Variants in TLR8 observed in about 807,000 individuals in gnomAD.
The protein encoded by TLR8 is toll like receptor 8.
A neutral mutation model predicts 18.5 loss-of-function variants in TLR8; 5 were observed. The observed-to-expected ratio is 0.27, with a 90% CI of 0.14 to 0.57. The LOEUF is 0.57. Among genes scored for constraint, TLR8 ranks in the 20% least tolerant of loss-of-function variants. TLR8 has a pLI of 0.92. For missense variants in TLR8, 543 were observed against 769.8 expected, an observed-to-expected ratio of 0.71 and a Z score of 3.49; for synonymous variants, 299 against 300.1, an observed-to-expected ratio of 1.00 and a Z score of 0.04.
Position 12,919,452 on chromosome X carries a change from C to A in TLR8, c.412C>A (p.Pro138Thr). The change falls in exon 2 of 2, where the codon CCC becomes ACC. Residue 138 changes from proline to threonine, a missense_variant. Physicochemically the swap from Pro to Thr is conservative, Grantham distance 38. Around this residue, in one of 4 missense-constraint regions of TLR8, gnomAD observed 117 missense variants for 111.0 expected, o/e 1.05. Transcript: ENST00000218032. ...GTTACTGCTTGAAGACAACCAGTTA[C>A]CCCAAATACCCTCTGGTTTGCCAGA... ...RELLLEDNQL[P>T]QIPSGLPESL... 8.3e-7 allele frequency: 1 copy of A among 1,210,599 alleles called. No individual in the cohort carries two copies. Among genetic ancestry groups the A allele is most frequent in the Non-Finnish European group, 1.1e-6 (1 of 894,890 alleles).
chrX:12,920,405 C>G lies in TLR8; in HGVS notation c.1365C>G (p.Arg455=), dbSNP rs755072066. The G allele has an allele frequency of 3.3e-6, 4 of 1,208,212 alleles. No homozygotes were observed. In the East Asian group the frequency reaches 1.2e-4, roughly 36 times the overall value. ...SSFQRHIRKR[R]STDFEFDPHS... is the part of the protein sequence containing the mutation. ...TTCAACGTCATATCCGGAAACGACG[C>G]TCAACAGATTTTGAGTTTGACCCAC... The change falls in exon 2 of 2, where the codon CGC becomes CGG. Residue 455 remains arginine, a synonymous_variant. Transcript: ENST00000218032.
At position 12,909,785 on chromosome X, in the gene TLR8, C is replaced by G. The variant is rs551473463; in HGVS notation, c.3+3076C>G. On this transcript the variant is annotated intron_variant, in intron 1 of 1. Coordinates refer to ENST00000218032, the MANE Select transcript of TLR8 (RefSeq NM_138636.5). Reference sequence around the variant, plus strand: ...ACTCTACCACCTACCATCTGAGTGACCTTGAAAACATTCATCTCTCTGAGC... The same window carrying G: ...ACTCTACCACCTACCATCTGAGTGAGCTTGAAAACATTCATCTCTCTGAGC... Among the ~76,000 whole-genome samples, 5 of 112,013 alleles carry G rather than the reference C, an allele frequency of 4.5e-5. No individual in the cohort carries two copies. The South Asian group carries it at 1.9e-3, about 42-fold the overall frequency.
intron 1 of TLR8, among the ~76,000 whole-genome samples, chrX:12,913,710 G>A (rs969230649): frequency 1.6e-4 from 18 of 112,126 alleles, no homozygotes; most frequent in African/African-American, 5.8e-4. Context: ...TCTACTTCTA[G>A]AATTGAAATT....
chrX:12,907,818 C>T (rs113794666), intron 1 of TLR8, among the ~76,000 whole-genome samples: 17,507 of 110,181 alleles, frequency 0.16, 1,065 homozygotes, highest in Non-Finnish European at 0.17. Flanking sequence ...TGAGCCACCG[C>T]GCCCGGCCTG....
At chrX:12,917,443 G>C (rs926459670) in intron 1 of TLR8, among the ~76,000 whole-genome samples, 2 of 112,092 alleles carry the variant, frequency 1.8e-5, no homozygotes, top group African/African-American at 6.5e-5. Flanking sequence ...GACATATAAA[G>C]GTGTTAGTTC....
At chrX:12,907,656 A>T (rs1361753591) in intron 1 of TLR8, among the ~76,000 whole-genome samples, 1 of 110,901 alleles carries the variant, frequency 9.0e-6, no homozygotes, top group African/African-American at 3.3e-5. Context: ...CCTCCCAAGT[A>T]GCTGGGACTA....
chrX:12,911,664 T>G (rs2043021971), intron 1 of TLR8, among the ~76,000 whole-genome samples: 1 of 112,556 alleles, frequency 8.9e-6, no homozygotes, highest in Non-Finnish European at 1.9e-5. Context: ...TTTTTGATTC[T>G]CTATTCTGCC....
chrX:12,913,286 G>A (rs948785884), intron 1 of TLR8, among the ~76,000 whole-genome samples: 6 of 111,414 alleles, frequency 5.4e-5, no homozygotes, highest in African/African-American at 2.0e-4. Context: ...TCATCAGCTC[G>A]ATCTAATCAT....
intron 1 of TLR8, among the ~76,000 whole-genome samples, chrX:12,916,030 C>T (rs867214942): frequency 1.8e-5 from 2 of 110,984 alleles, no homozygotes; most frequent in South Asian, 3.8e-4. Flanking sequence ...TATAGTCATG[C>T]ACCACCACGC....
intron 1 of TLR8, among the ~76,000 whole-genome samples, chrX:12,907,543 C>A (rs1033864607): frequency 3.6e-5 from 4 of 111,850 alleles, no homozygotes; most frequent in African/African-American, 1.3e-4. Context: ...ACACTTAAGT[C>A]TTTTGAAGTT....
At chrX:12,912,341 G>A (rs766146073) in intron 1 of TLR8, among the ~76,000 whole-genome samples, 1 of 112,889 alleles carries the variant, frequency 8.9e-6, no homozygotes, top group African/African-American at 3.2e-5. Flanking sequence ...AGAGGCATGG[G>A]TGTGGCTCAA....
chrX:12,915,879 CCT>C (rs1491280702), intron 1 of TLR8, among the ~76,000 whole-genome samples: 2 of 109,085 alleles, frequency 1.8e-5, no homozygotes, highest in Admixed American at 9.6e-5. Context: ...AGGTTTCACT[CCT>C]TTTTTTTTTT....
intron 1 of TLR8, among the ~76,000 whole-genome samples, chrX:12,907,437 C>A (rs1325237163): frequency 8.9e-6 from 1 of 112,274 alleles, no homozygotes; most frequent in East Asian, 2.8e-4. Flanking sequence ...GGTTTAAGAG[C>A]AATTGAAAAG....
chrX:12,917,887 C>T lies in TLR8; in HGVS notation c.4-1157C>T, dbSNP rs1409520836. On this transcript the variant is annotated intron_variant, in intron 1 of 1. Coordinates refer to ENST00000218032, the MANE Select transcript of TLR8 (RefSeq NM_138636.5). ...GTTTACATTTGAGGCACAGTTCAGG[C>T]ACGAGGATTTCAAAAGGAGATTGTG... is the stretch of plus-strand genomic sequence containing the variant. Among the ~76,000 whole-genome samples the T allele has an allele frequency of 4.5e-5, 5 of 112,053 alleles. No homozygotes were observed. In the South Asian group the frequency reaches 1.8e-3, roughly 41 times the overall value.
At chrX:12,912,094 A>C (rs1324577704) in intron 1 of TLR8, among the ~76,000 whole-genome samples, 1 of 65,962 alleles carries the variant, frequency 1.5e-5, no homozygotes, top group African/African-American at 6.2e-5. Flanking sequence ...CTTTCTCTCT[A>C]TTTGCATAGT....
chrX:12,910,288 A>G, intron 1 of TLR8: 1 of 1,123,239 alleles, frequency 8.9e-7, no homozygotes, highest in Non-Finnish European at 1.2e-6. Context: ...GAGATTAATT[A>G]CATGTTATAA....
intron 1 of TLR8, among the ~76,000 whole-genome samples, chrX:12,911,854 T>TA (rs1319176659): frequency 8.8e-6 from 1 of 113,115 alleles, no homozygotes; most frequent in Non-Finnish European, 1.9e-5. Flanking sequence ...CACAGGGCTG[T>TA]AGGCTTCAGC....
chrX:12,906,810 A>G (rs2042987950), intron 1 of TLR8, 101 bp downstream of exon 1: 1 of 700,685 alleles, frequency 1.4e-6, no homozygotes, highest in South Asian at 6.0e-5. Flanking sequence ...CTAGAAAGTA[A>G]TAAATGGGCA....
intron 1 of TLR8, among the ~76,000 whole-genome samples, chrX:12,913,744 A>G (rs1390165994): frequency 8.9e-6 from 1 of 112,223 alleles, no homozygotes; most frequent in Admixed American, 9.5e-5. Flanking sequence ...ATATGTTTCC[A>G]ATTGTGATAG....
Sources: gnomAD v4.1 joint callset for allele counts (sites outside exome capture counted in the v4.1 genomes callset) on GRCh38, gnomAD v4.1.1 for gene constraint, gnomAD v4.1.1 regional missense constraint, MANE v1.5 for transcripts, NCBI Gene and HGNC (gene_info 2026-07-23, HGNC 2026-07-21) for gene names.